ADGRL2: variants seen among roughly 807,000 people sequenced by gnomAD.
The protein encoded by ADGRL2 is adhesion G protein-coupled receptor L2.
In ADGRL2, 44 loss-of-function variants were observed where a neutral mutation model predicts 157.4. The observed-to-expected ratio is 0.28, with a 90% CI of 0.22 to 0.36. The LOEUF is 0.36. Ranked by LOEUF, ADGRL2 falls within the 10% of genes least tolerant of loss-of-function variation. The pLI is 1.00. For synonymous variants in ADGRL2, 585 were observed against 624.7 expected, an observed-to-expected ratio of 0.94 and a Z score of 0.95; for missense variants, 1,510 against 1,768.9, an observed-to-expected ratio of 0.85 and a Z score of 2.63.
chr1:81,965,306 T>C (rs1335820006), intron 11 of ADGRL2, among the ~76,000 whole-genome samples: 2 of 152,188 alleles, frequency 1.3e-5, no homozygotes, highest in African/African-American at 2.4e-5. Context: ...ATAGGCAATA[T>C]ACAAATGAAT....
chr1:81,936,828 G>A lies in ADGRL2; in HGVS notation c.388G>A (p.Val130Ile). 6.3e-7 allele frequency: 1 copy of A among 1,584,552 alleles called. No homozygotes were observed. Among genetic ancestry groups the A allele is most frequent in the African/African-American group, 1.3e-5 (1 of 74,332 alleles). ...YKYLEVQYEC[V>I]PYMEQKVFVC... is the part of the protein sequence containing the mutation. ...ATACCTTGAAGTCCAATATGAATGT[G>A]TCCCTTACAGTAAGTATGCAGTTTA... is the stretch of plus-strand genomic sequence containing the variant. The change falls in exon 4 of 24, where the codon GTC (valine) becomes ATC (isoleucine). Residue 130 changes from valine (V) to isoleucine (I), a missense_variant. By Grantham distance (29) the Val-to-Ile change is conservative (BLOSUM62 3). This residue lies in a region of ADGRL2 where 361 missense variants were observed against 498.4 expected (regional missense o/e 0.72). Transcript: ENST00000686636.
intron 3 of ADGRL2, chr1:81,596,398 C>A: frequency 2.1e-6 from 1 of 480,252 alleles, no homozygotes. Context: ...ATCAAGTCAG[C>A]TCACACCTTC....
intron 10 of ADGRL2, among the ~76,000 whole-genome samples, chr1:81,953,432 T>C (rs1652484112): frequency 6.6e-6 from 1 of 152,178 alleles, no homozygotes; most frequent in Non-Finnish European, 1.5e-5. Context: ...TGCTTTCTTA[T>C]CTTTGTGGTA....
At chr1:81,412,710 G>C (rs2076967392) in intron 1 of ADGRL2, among the ~76,000 whole-genome samples, 1 of 152,200 alleles carries the variant, frequency 6.6e-6, no homozygotes, top group Non-Finnish European at 1.5e-5. Context: ...ATACTTGGTT[G>C]CAATAGATGG....
chr1:81,854,396 T>A (rs1399615814), intron 2 of ADGRL2, among the ~76,000 whole-genome samples: 3 of 152,174 alleles, frequency 2.0e-5, no homozygotes, highest in Admixed American at 2.0e-4. Context: ...ACAGAAAGTA[T>A]AATATACTCA....
chr1:81,871,086 T>TC (rs945099841), intron 2 of ADGRL2, among the ~76,000 whole-genome samples: 1 of 63,902 alleles, frequency 1.6e-5, no homozygotes, highest in Non-Finnish European at 2.9e-5. Context: ...CCCTCCCCCC[T>TC]CCCCCCACCC....
chr1:81,818,279 A>G (rs961509995), intron 1 of ADGRL2, among the ~76,000 whole-genome samples: 1 of 152,194 alleles, frequency 6.6e-6, no homozygotes, highest in Admixed American at 6.5e-5. Context: ...ATGCTTTTGT[A>G]GTTCAGAGCA....
rs377072665 is a variant in ADGRL2 at position 81,930,403 on chromosome 1, AT to A, written c.288-6318del. Among the ~76,000 whole-genome samples the A allele has an allele frequency of 1.1e-3, 160 of 152,218 alleles. No homozygotes were observed. In the East Asian group the frequency reaches 0.021, roughly 20 times the overall value. On this transcript the variant is annotated intron_variant, in intron 3 of 23. Transcript: ENST00000686636. ...TAAAATGCCTTTTTATGCTTTACAC[AT>A]TTTTTTGAGAACATTTATCTTAATT...
rs41292984 is a variant in ADGRL2, at chr1:81,990,901, G to A, written c.4166G>A (p.Arg1389Lys). The A allele has an allele frequency of 0.031, 50,152 of 1,614,048 alleles. 919 individuals are homozygous for A. Among genetic ancestry groups the A allele is most frequent in the Middle Eastern group, 0.043 (261 of 6,060 alleles). The change falls in exon 24 of 24, where the codon AGA (arginine) becomes AAA (lysine). Residue 1389 changes from arginine (R) to lysine (K), a missense_variant. Arg to Lys is a conservative substitution (Grantham distance 26). Transcript: ENST00000686636. ...DSLYTSMPNL[R>K]DSPYPESSPD... ...CTTTATACAAGCATGCCCAATCTTA[G>A]AGACTCTCCCTATCCGGAGAGCAGC...
chr1:81,520,446 C>T (rs2079286859), intron 2 of ADGRL2, among the ~76,000 whole-genome samples: 2 of 152,000 alleles, frequency 1.3e-5, no homozygotes, highest in South Asian at 4.2e-4. Context: ...TATGGTTTGG[C>T]TCTGTGTCCC....
chr1:81,847,239 C>T (rs990002939), intron 2 of ADGRL2, among the ~76,000 whole-genome samples: 2 of 151,782 alleles, frequency 1.3e-5, no homozygotes, highest in Non-Finnish European at 2.9e-5. Flanking sequence ...AATAGTGCCC[C>T]TCAAAAGTTA....
At chr1:81,533,960 A>G (rs1037758983) in intron 2 of ADGRL2, among the ~76,000 whole-genome samples, 1 of 152,158 alleles carries the variant, frequency 6.6e-6, no homozygotes, top group African/African-American at 2.4e-5. Context: ...GGCTACGTTT[A>G]GATCATGGGG....
rs146782546 is a variant in ADGRL2, at chr1:81,643,344, G to A, written c.-143+62364G>A. Among the ~76,000 whole-genome samples, 406 of 152,222 alleles carry A rather than the reference G, an allele frequency of 2.7e-3. 4 individuals are homozygous for A. Among genetic ancestry groups the A allele is most frequent in the African/African-American group, 9.4e-3 (390 of 41,534 alleles). On this transcript the variant is annotated intron_variant, in intron 3 of 24. Coordinates refer to the ADGRL2 transcript ENST00000370721. Reference sequence around the variant, plus strand: ...TGTTTGTTTTTTGAGACAGGGTCTCGCTCTGTTGCTCAGGCTGGAGTGCAG... The same window carrying A: ...TGTTTGTTTTTTGAGACAGGGTCTCACTCTGTTGCTCAGGCTGGAGTGCAG...
At chr1:81,509,863 T>G (rs888893927) in intron 2 of ADGRL2, among the ~76,000 whole-genome samples, 1 of 152,160 alleles carries the variant, frequency 6.6e-6, no homozygotes, top group Non-Finnish European at 1.5e-5. Flanking sequence ...TATGTGAGGA[T>G]TTAGTGAAAT....
At chr1:81,784,200 C>A (rs1343463599) in intron 2 of ADGRL2, among the ~76,000 whole-genome samples, 1 of 152,130 alleles carries the variant, frequency 6.6e-6, no homozygotes, top group Non-Finnish European at 1.5e-5. Flanking sequence ...CTTTTCAGAT[C>A]TTTTCAACAG....
chr1:81,940,727 T>G (rs1368444374), intron 4 of ADGRL2, among the ~76,000 whole-genome samples: 1 of 87,650 alleles, frequency 1.1e-5, no homozygotes, highest in Non-Finnish European at 2.2e-5. Flanking sequence ...AATGCAGTAT[T>G]AGCAACCCTG....
chr1:81,785,653 A>G (rs968500019), intron 2 of ADGRL2, among the ~76,000 whole-genome samples: 1 of 152,000 alleles, frequency 6.6e-6, no homozygotes, highest in African/African-American at 2.4e-5. Flanking sequence ...GCTTGAGCCC[A>G]GGAATTCCAG....
At chr1:81,717,995 A>T (rs1431126598) in intron 1 of ADGRL2, among the ~76,000 whole-genome samples, 1 of 152,162 alleles carries the variant, frequency 6.6e-6, no homozygotes, top group Admixed American at 6.5e-5. Flanking sequence ...GTGGTTGGTT[A>T]ATTATAAAAG....
chr1:81,753,341 A>G (rs1021431937), intron 1 of ADGRL2, among the ~76,000 whole-genome samples: 3 of 152,184 alleles, frequency 2.0e-5, no homozygotes, highest in African/African-American at 7.2e-5. Flanking sequence ...AGATCTTGAG[A>G]GACCCATTCA....
Sources: allele counts gnomAD v4.1 joint callset (sites outside exome capture counted in the v4.1 genomes callset), GRCh38; gene constraint gnomAD v4.1.1; regional missense constraint gnomAD v4.1.1; transcripts MANE v1.5; gene names NCBI Gene and HGNC (gene_info 2026-07-23, HGNC 2026-07-21).